The following TMEM260 variants were observed in gnomAD, a reference collection of about 807,000 sequenced individuals.
The protein encoded by TMEM260 is protein O-mannosyl-transferase TMEM260.
Under a neutral mutation model 88.9 loss-of-function variants are expected in TMEM260, and 82 were observed. That is an observed-to-expected ratio of 0.92 (90% CI 0.77 to 1.11). TMEM260 has a LOEUF of 1.11. Ranked by LOEUF, TMEM260 falls within the 50% of genes least tolerant of loss-of-function variation. TMEM260 has a pLI of 0.00. For synonymous variants in TMEM260, 314 were observed against 309.3 expected, an observed-to-expected ratio of 1.02 and a Z score of -0.16; for missense variants, 902 against 853.4, an observed-to-expected ratio of 1.06 and a Z score of -0.71.
intron 15 of TMEM260, among the ~76,000 whole-genome samples, chr14:56,643,461 C>A (rs1001970822): frequency 1.3e-5 from 2 of 151,740 alleles, no homozygotes; most frequent in African/African-American, 4.8e-5. Flanking sequence ...ATTCAACAAC[C>A]CTTCATGCTA....
rs545743245 is a variant in TMEM260 at position 56,625,316 on chromosome 14, T to G, written c.1399-66T>G. 7.1e-6 allele frequency: 11 copies of G among 1,546,902 alleles called. No individual in the cohort carries two copies. In the South Asian group the frequency reaches 8.4e-5, roughly 12 times the overall value. On this transcript the variant is annotated intron_variant, in intron 11 of 15. Transcript: ENST00000261556. ...AGTAATTTAGGTTTTTGCCATTACT[T>G]GATAAACTTGATTCTTTCTAAGAAA...
chr14:56,598,553 G>A (rs867879236), intron 3 of TMEM260, among the ~76,000 whole-genome samples: 3 of 152,160 alleles, frequency 2.0e-5, no homozygotes, highest in African/African-American at 7.2e-5. Flanking sequence ...ATTTATCTTT[G>A]TCTCACTAAG....
At chr14:56,604,134 T>TCA in intron 4 of TMEM260, 142 bp downstream of exon 4, 1 of 798,676 alleles carries the variant, frequency 1.3e-6, no homozygotes, top group East Asian at 3.3e-5. Context: ...GAAAATGATC[T>TCA]CAGTCTTTTT....
At chr14:56,644,637 C>A (rs945960801) in intron 15 of TMEM260, among the ~76,000 whole-genome samples, 2 of 151,994 alleles carry the variant, frequency 1.3e-5, no homozygotes, top group African/African-American at 4.8e-5. Context: ...GCAACAAAAG[C>A]CAAAATTGAC....
Position 56,618,655 on chromosome 14 carries a change from C to G in TMEM260, c.1118C>G (p.Ala373Gly). The G allele has an allele frequency of 1.2e-6, 2 of 1,614,186 alleles. No individual in the cohort carries two copies. The highest frequency in any genetic ancestry group is 1.6e-4 in the Middle Eastern group (1 of 6,062). Residue 373 changes from alanine to glycine, a missense_variant, in exon 10 of 16, where the codon GCT becomes GGT. By Grantham distance (60) the Ala-to-Gly change is moderately conservative. Coordinates refer to ENST00000261556, the MANE Select transcript of TMEM260 (RefSeq NM_017799.4). ...GCCGTCCTCGCTGGCATTGGTTTGG[C>G]TGCAGTTGTGTCTGAGACTAACCGA... ...VVAVLAGIGL[A>G]AVVSETNRVL... is the part of the protein sequence containing the mutation.
Position 56,609,675 on chromosome 14 carries a change from C to A in TMEM260, c.816+390C>A, listed in dbSNP as rs144169487. On this transcript the variant is annotated intron_variant, in intron 6 of 15. Transcript: ENST00000261556. ...AAAATTTTCCTTGACCAAACCACTT[C>A]TTATTATTATTTATTTATTTTTTAC... 1.8e-3 allele frequency among the ~76,000 whole-genome samples: 280 copies of A among 152,104 alleles called. 2 individuals are homozygous for A. The highest frequency in any genetic ancestry group is 4.8e-3 in the African/African-American group (198 of 41,516).
chr14:56,654,089 G>C (rs1890257809), downstream of TMEM260, among the ~76,000 whole-genome samples: 1 of 152,168 alleles, frequency 6.6e-6, no homozygotes, highest in African/African-American at 2.4e-5. Flanking sequence ...GAAATTAAAA[G>C]CTATACGTTG....
At chr14:56,644,285 C>T (rs889672058) in intron 15 of TMEM260, among the ~76,000 whole-genome samples, 1 of 152,188 alleles carries the variant, frequency 6.6e-6, no homozygotes, top group South Asian at 2.1e-4. Flanking sequence ...ACCAAAACAG[C>T]ATGGTACTGG....
At chr14:56,612,172 T>A (rs1182890191) in intron 6 of TMEM260, 73 bp from the exon 7 acceptor site, 2 of 1,380,434 alleles carry the variant, frequency 1.4e-6, no homozygotes, top group Non-Finnish European at 2.0e-6. Flanking sequence ...CTTTTAAGAT[T>A]ATTAAAATAC....
chr14:56,611,836 A>G (rs1303307327), intron 6 of TMEM260, among the ~76,000 whole-genome samples: 2 of 152,146 alleles, frequency 1.3e-5, no homozygotes, highest in East Asian at 1.9e-4. Flanking sequence ...TGATACATAT[A>G]CACCATGGAA....
At chr14:56,654,765 G>A (rs1418544341), downstream of TMEM260, among the ~76,000 whole-genome samples, 1 of 119,302 alleles carries the variant, frequency 8.4e-6, no homozygotes, top group African/African-American at 3.2e-5. Flanking sequence ...AGTGAGCCAA[G>A]ATCGCGCCAT....
rs758819833 is a variant in TMEM260, at chr14:56,647,478, G to A, written c.2105G>A (p.Arg702Lys). Residue 702 changes from arginine (R) to lysine (K), a missense_variant, in exon 16 of 16, where the codon AGA (arginine) becomes AAA (lysine). By Grantham distance (26) the Arg-to-Lys change is conservative. Coordinates refer to ENST00000261556, the MANE Select transcript of TMEM260 (RefSeq NM_017799.4). ...KHLRKELQSL[R>K]NRKNV ...CTAAGAAAAGAACTGCAAAGTCTGA[G>A]AAATAGGAAAAATGTCTGAGACAGC... The A allele has an allele frequency of 7.3e-5, 117 of 1,597,942 alleles. 2 individuals carry two copies. The Admixed American group carries it at 2.1e-3, about 29-fold the overall frequency.
chr14:56,657,669 T>C, the TMEM260 span, among the ~76,000 whole-genome samples: 6 of 152,294 alleles, frequency 3.9e-5, no homozygotes, highest in East Asian at 1.9e-4. Flanking sequence ...TGCTTTCTCA[T>C]TGTTAAAAGT....
intron 12 of TMEM260, among the ~76,000 whole-genome samples, chr14:56,632,518 C>G (rs567515875): frequency 9.9e-5 from 15 of 152,276 alleles, no homozygotes; most frequent in African/African-American, 3.1e-4. Flanking sequence ...CTCTTCAAAC[C>G]TTGGTCCCCT....
At chr14:56,601,435 A>G (rs1481121579) in intron 3 of TMEM260, among the ~76,000 whole-genome samples, 1 of 152,092 alleles carries the variant, frequency 6.6e-6, no homozygotes, top group Non-Finnish European at 1.5e-5. Flanking sequence ...CCTATTACTA[A>G]TGCTGTTAAT....
rs556712289 is a variant in TMEM260, at chr14:56,602,536, G to A, written c.345-1279G>A. Among the ~76,000 whole-genome samples, 37 of 152,214 alleles carry A rather than the reference G, an allele frequency of 2.4e-4. 1 individual carries two copies. In the South Asian group the frequency reaches 7.7e-3, roughly 32 times the overall value. On this transcript the variant is annotated intron_variant, in intron 3 of 15. Transcript: ENST00000261556. Reference sequence around the variant, plus strand: ...GGATATGTTTTAGGAAACTTGATGTGATGTTATATTGCAGAATAGATTGAA... The same window carrying A: ...GGATATGTTTTAGGAAACTTGATGTAATGTTATATTGCAGAATAGATTGAA...
intron 12 of TMEM260, among the ~76,000 whole-genome samples, chr14:56,630,349 C>A (rs1314601195): frequency 6.6e-6 from 1 of 152,094 alleles, no homozygotes; most frequent in Non-Finnish European, 1.5e-5. Context: ...TCCTGTTTCA[C>A]AGTCTTTCTT....
intron 14 of TMEM260, 143 bp downstream of exon 14, chr14:56,635,095 A>G (rs1037505501): frequency 5.8e-5 from 40 of 688,192 alleles, no homozygotes; most frequent in Non-Finnish European, 8.6e-5. Flanking sequence ...GAGGCACTGT[A>G]CTAATCATTA....
At chr14:56,623,405 C>A (rs541349448) in intron 11 of TMEM260, among the ~76,000 whole-genome samples, 1 of 152,146 alleles carries the variant, frequency 6.6e-6, no homozygotes, top group African/African-American at 2.4e-5. Context: ...CTCCCTCTCT[C>A]TATTTATTGG....
Sources: allele counts gnomAD v4.1 joint callset (sites outside exome capture counted in the v4.1 genomes callset), GRCh38; gene constraint gnomAD v4.1.1; transcripts MANE v1.5; gene names NCBI Gene and HGNC (gene_info 2026-07-23, HGNC 2026-07-21).